RBFOX1: variants seen among roughly 807,000 people sequenced by gnomAD.
RBFOX1 encodes RNA binding protein fox-1 homolog 1.
In RBFOX1, 8 loss-of-function variants were observed where a neutral mutation model predicts 57.7. That is an observed-to-expected ratio of 0.14 (90% confidence interval 0.08 to 0.25). RBFOX1 has a LOEUF of 0.25. Ranked by LOEUF, RBFOX1 falls within the 10% of genes least tolerant of loss-of-function variation. The pLI, the probability that RBFOX1 is intolerant of heterozygous loss-of-function variation, is 1.00. For synonymous variants in RBFOX1, 326 were observed against 222.4 expected (o/e 1.47, Z -4.15); for missense variants, 611 against 548.5 (o/e 1.11, Z -1.14).
At chr16:6,476,631 C>T (rs534002152) in intron 2 of RBFOX1, among the ~76,000 whole-genome samples, 105 of 152,210 alleles carry the variant, frequency 6.9e-4, no homozygotes, top group African/African-American at 2.4e-3. Context: ...GGTCTTGCCT[C>T]GGTGTTGATG....
chr16:5,332,034 C>G (rs893254085), intron 1 of RBFOX1, among the ~76,000 whole-genome samples: 2 of 152,198 alleles, frequency 1.3e-5, no homozygotes, highest in African/African-American at 4.8e-5. Flanking sequence ...AGTAGACTCA[C>G]GTCAGGGCCA....
At chr16:6,880,146 A>C (rs1399975120) in intron 3 of RBFOX1, among the ~76,000 whole-genome samples, 3 of 152,110 alleles carry the variant, frequency 2.0e-5, no homozygotes, top group Non-Finnish European at 4.4e-5. Context: ...TGTTAGATGC[A>C]CAGTTCTCTA....
chr16:5,314,860 A>G (rs1414825413), intron 1 of RBFOX1, among the ~76,000 whole-genome samples: 2 of 152,170 alleles, frequency 1.3e-5, no homozygotes, highest in African/African-American at 4.8e-5. Flanking sequence ...TTCAGGTCAA[A>G]GAAAAAACTT....
rs372412356 is a variant in RBFOX1, at chr16:6,066,293, C to CAAAA, written c.-127+46325_-127+46328dup. 4.6e-3 allele frequency among the ~76,000 whole-genome samples: 231 copies of CAAAA among 50,372 alleles called. 38 individuals are homozygous for CAAAA. Among genetic ancestry groups the CAAAA allele is most frequent in the East Asian group, 0.045 (31 of 690 alleles). 33.0% of individuals were successfully genotyped at this position (50,372 alleles called of 152,430 possible). ...CTGACTACAGAGCAAGACTCTGTCT[C>CAAAA]AAAAAAAAAAAAAAAAAAAAAAAAA... On this transcript the variant is annotated intron_variant, in intron 1 of 15. Coordinates refer to ENST00000550418, the MANE Select transcript of RBFOX1 (RefSeq NM_018723.4).
At position 7,173,863 on chromosome 16, in the gene RBFOX1, C is replaced by G. The variant is rs536881318; in HGVS notation, c.27+121765C>G. Among the ~76,000 whole-genome samples, 8 of 152,276 alleles carry G rather than the reference C, an allele frequency of 5.3e-5. No individual in the cohort carries two copies. The East Asian group carries it at 1.4e-3, about 26-fold the overall frequency. ...CTGTGACGTTGAATCATAAGACACA[C>G]GTTAAATAACCTATTATGCTCAGTG... On this transcript the variant is annotated intron_variant, in intron 4 of 15. Coordinates refer to ENST00000550418, the MANE Select transcript of RBFOX1 (RefSeq NM_018723.4).
At chr16:7,182,284 T>C (rs1450847619) in intron 4 of RBFOX1, among the ~76,000 whole-genome samples, 2 of 152,104 alleles carry the variant, frequency 1.3e-5, no homozygotes, top group Non-Finnish European at 2.9e-5. Context: ...TATAGGGATG[T>C]GAGGTTGAAT....
chr16:7,381,149 G>C (rs2097776111), intron 4 of RBFOX1, among the ~76,000 whole-genome samples: 1 of 152,224 alleles, frequency 6.6e-6, no homozygotes, highest in Non-Finnish European at 1.5e-5. Context: ...GATAGTTCTA[G>C]ATGCTTGAAC....
chr16:6,195,199 G>A (rs763874446), intron 1 of RBFOX1, among the ~76,000 whole-genome samples: 1 of 152,062 alleles, frequency 6.6e-6, no homozygotes, highest in Non-Finnish European at 1.5e-5. Context: ...CTTACCTACC[G>A]CCTTTTTATC....
At chr16:6,335,035 T>C (rs2083461578) in intron 2 of RBFOX1, among the ~76,000 whole-genome samples, 1 of 152,236 alleles carries the variant, frequency 6.6e-6, no homozygotes, top group Admixed American at 6.5e-5. Flanking sequence ...ATTATGCCTG[T>C]TAGTATTTCT....
intron 4 of RBFOX1, among the ~76,000 whole-genome samples, chr16:7,059,474 C>T (rs115091482): frequency 0.011 from 1,697 of 152,316 alleles, 35 homozygotes; most frequent in African/African-American, 0.039. Context: ...ACTTGCACCA[C>T]TCTTATTCTC....
chr16:6,255,902 C>G (rs1461714363), intron 1 of RBFOX1, among the ~76,000 whole-genome samples: 1 of 151,176 alleles, frequency 6.6e-6, no homozygotes, highest in Non-Finnish European at 1.5e-5. Context: ...TGGTGGGGTG[C>G]AAAGGGAGGG....
At chr16:6,912,111 C>G (rs1597006537) in intron 3 of RBFOX1, among the ~76,000 whole-genome samples, 1 of 152,148 alleles carries the variant, frequency 6.6e-6, no homozygotes, top group Non-Finnish European at 1.5e-5. Flanking sequence ...ATCATTTATA[C>G]TTACTAGTAT....
intron 4 of RBFOX1, among the ~76,000 whole-genome samples, chr16:7,340,639 C>T (rs76957562): frequency 0.03 from 4,528 of 152,254 alleles, 176 homozygotes; most frequent in African/African-American, 0.09. Flanking sequence ...GCAGCCACAC[C>T]ACTTCTCTTC....
At chr16:6,673,368 A>T (rs2098779832) in intron 3 of RBFOX1, among the ~76,000 whole-genome samples, 1 of 152,154 alleles carries the variant, frequency 6.6e-6, no homozygotes, top group Non-Finnish European at 1.5e-5. Context: ...TGGGTGGATC[A>T]CCTGAGGTCA....
chr16:6,965,997 C>G (rs1377501963), intron 3 of RBFOX1, among the ~76,000 whole-genome samples: 1 of 152,000 alleles, frequency 6.6e-6, no homozygotes, highest in African/African-American at 2.4e-5. Flanking sequence ...AGTAAATGCT[C>G]AAAATGGAGC....
At chr16:6,701,034 G>A (rs1161200754) in intron 3 of RBFOX1, among the ~76,000 whole-genome samples, 1 of 142,702 alleles carries the variant, frequency 7.0e-6, no homozygotes, top group Non-Finnish European at 1.5e-5. Flanking sequence ...GAGTTGGGCA[G>A]AGGGGGGGGT....
At chr16:6,902,443 G>C (rs1196221478) in intron 3 of RBFOX1, among the ~76,000 whole-genome samples, 1 of 152,134 alleles carries the variant, frequency 6.6e-6, no homozygotes, top group Non-Finnish European at 1.5e-5. Context: ...AGGTGGTTTT[G>C]CCAGGTGCAA....
chr16:5,870,728 C>G (rs1177713881), intron 4 of RBFOX1, among the ~76,000 whole-genome samples: 1 of 150,828 alleles, frequency 6.6e-6, no homozygotes, highest in African/African-American at 2.4e-5. Flanking sequence ...AATTGAATTT[C>G]TAATGGCAAT....
At chr16:7,256,347 C>T (rs1400032112) in intron 4 of RBFOX1, among the ~76,000 whole-genome samples, 5 of 152,134 alleles carry the variant, frequency 3.3e-5, no homozygotes. Context: ...CCATTCCTAC[C>T]AGAAGTTCTG....
Sources: gnomAD v4.1 joint callset for allele counts (sites outside exome capture counted in the v4.1 genomes callset) on GRCh38, gnomAD v4.1.1 for gene constraint, MANE v1.5 for transcripts, NCBI Gene and HGNC (gene_info 2026-07-23, HGNC 2026-07-21) for gene names.